The following SLC4A5 variants were observed in gnomAD, a reference collection of about 807,000 sequenced individuals.
SLC4A5 encodes solute carrier family 4 member 5.
Under a neutral mutation model 120.4 loss-of-function variants are expected in SLC4A5, and 96 were observed. That is an observed-to-expected ratio of 0.80 (90% CI 0.68 to 0.94). The LOEUF (loss-of-function observed/expected upper bound fraction) is 0.94. Ranked by LOEUF, SLC4A5 falls within the 40% of genes least tolerant of loss-of-function variation. The pLI is 0.00. For missense variants in SLC4A5, 1,259 were observed against 1,459.5 expected, an observed-to-expected ratio of 0.86 and a Z score of 2.24; for synonymous variants, 550 against 571.1, an observed-to-expected ratio of 0.96 and a Z score of 0.53.
chr2:74,319,281 T>C (rs1673038543), intron 5 of SLC4A5: 1 of 152,162 alleles, frequency 6.6e-6, no homozygotes, highest in Non-Finnish European at 1.5e-5. Context: ...ATTCGGGTGA[T>C]GAGTACACTA....
rs142845944 is a variant in SLC4A5 at position 74,334,126 on chromosome 2, C to T, written c.-169G>A. 1.5e-3 allele frequency: 225 copies of T among 152,302 alleles called. 2 individuals carry two copies. Among genetic ancestry groups the T allele is most frequent in the African/African-American group, 5.1e-3 (212 of 41,552 alleles). The allele number at this position is 152,302 out of a possible 1,614,324, so 9.4% of individuals were successfully genotyped here. ...AGATTCTTGTCTGCTTTAGCTGTTTCTGAACCATGTCCAGGGTTGAGAAGG... is the reference window on the plus strand; with the variant it reads ...AGATTCTTGTCTGCTTTAGCTGTTTTTGAACCATGTCCAGGGTTGAGAAGG... On this transcript the variant is annotated 5_prime_UTR_variant, in exon 4 of 31. Transcript: ENST00000394019.
At chr2:74,340,738 C>T (rs919174764) in intron 2 of SLC4A5, among the ~76,000 whole-genome samples, 2 of 152,172 alleles carry the variant, frequency 1.3e-5, no homozygotes, top group African/African-American at 4.8e-5. Context: ...TTCCAGGCAA[C>T]AACCCTGACG....
chr2:74,237,316 G>A (rs1670300699), intron 21 of SLC4A5, among the ~76,000 whole-genome samples: 1 of 152,138 alleles, frequency 6.6e-6, no homozygotes, highest in Non-Finnish European at 1.5e-5. Context: ...AAAAAATGTT[G>A]TTGGCACAAG....
intron 12 of SLC4A5, 71 bp from the exon 13 acceptor site, chr2:74,256,003 ACTG>A (rs1670954316): frequency 6.4e-7 from 1 of 1,562,688 alleles, no homozygotes. Context: ...TCCCCTTCAG[ACTG>A]CTTTGAGGCC....
intron 15 of SLC4A5, among the ~76,000 whole-genome samples, chr2:74,252,657 G>C (rs937915827): frequency 2.6e-5 from 4 of 152,212 alleles, no homozygotes; most frequent in Non-Finnish European, 5.9e-5. Context: ...CATGATCACA[G>C]CTCACTGCAG....
intron 6 of SLC4A5, 51 bp from the exon 7 acceptor site, chr2:74,304,731 A>G (rs1247599647): frequency 6.5e-7 from 1 of 1,537,372 alleles, no homozygotes; most frequent in East Asian, 2.3e-5. Context: ...GAAAATTGGC[A>G]TTTTTTCATA....
chr2:74,279,227 G>A (rs1573055679), intron 8 of SLC4A5, among the ~76,000 whole-genome samples: 1 of 152,290 alleles, frequency 6.6e-6, no homozygotes, highest in Non-Finnish European at 1.5e-5. Flanking sequence ...GAACTGTCAG[G>A]TGAACCCAGC....
At chr2:74,262,581 C>G (rs1324362515) in intron 10 of SLC4A5, among the ~76,000 whole-genome samples, 1 of 151,856 alleles carries the variant, frequency 6.6e-6, no homozygotes, top group Non-Finnish European at 1.5e-5. Context: ...CACCTGTAAT[C>G]CCAGCTACTT....
At chr2:74,317,064 C>G (rs1372725135) in intron 5 of SLC4A5, among the ~76,000 whole-genome samples, 1 of 152,214 alleles carries the variant, frequency 6.6e-6, no homozygotes, top group South Asian at 2.1e-4. Context: ...ATAGATCCTC[C>G]TGTAACCTAC....
intron 8 of SLC4A5, 82 bp from the exon 9 acceptor site, chr2:74,265,346 C>T: frequency 6.7e-7 from 1 of 1,495,588 alleles, no homozygotes. Context: ...AGAGGGGTGT[C>T]ATGTGGGTTC....
chr2:74,247,250 G>A, exon 19 of SLC4A5: 1 of 1,614,198 alleles, frequency 6.2e-7, no homozygotes, highest in Non-Finnish European at 8.5e-7. Flanking sequence ...TAAGGCACTG[G>A]ACAGCTGAGT....
At chr2:74,232,670 G>C (rs1444129197) in intron 23 of SLC4A5, 23 bp from the exon 24 acceptor site, 2 of 1,607,626 alleles carry the variant, frequency 1.2e-6, no homozygotes, top group South Asian at 2.2e-5. Context: ...GGTTGGGGGA[G>C]GGAGAAGTTT....
At chr2:74,231,383 TG>T in intron 24 of SLC4A5, 75 bp from the exon 25 acceptor site, 1 of 1,356,978 alleles carries the variant, frequency 7.4e-7, no homozygotes. Context: ...TGCCCCTCTG[TG>T]GGCACCTGAA....
Position 74,306,105 on chromosome 2 carries a change from T to C in SLC4A5, c.80-1425A>G, listed in dbSNP as rs78446692. ...AGTTGGAATTGACAGAGCAGGAGCA[T>C]TGCCATCTTGTTGGACAAGCACTGC... is the stretch of plus-strand genomic sequence containing the variant. On this transcript the variant is annotated intron_variant, in intron 6 of 30. Coordinates refer to ENST00000394019, the Ensembl canonical transcript of SLC4A5. 7.2e-3 allele frequency among the ~76,000 whole-genome samples: 1,104 copies of C among 152,286 alleles called. 6 individuals carry two copies. Among genetic ancestry groups the C allele is most frequent in the African/African-American group, 0.022 (907 of 41,560 alleles).
chr2:74,263,843 G>T (rs1036041293), intron 10 of SLC4A5, among the ~76,000 whole-genome samples: 1 of 152,186 alleles, frequency 6.6e-6, no homozygotes, highest in Non-Finnish European at 1.5e-5. Flanking sequence ...CAGAACAATT[G>T]ACTCCAACTC....
chr2:74,330,210 G>C (rs574915721), intron 4 of SLC4A5, among the ~76,000 whole-genome samples: 13 of 151,566 alleles, frequency 8.6e-5, no homozygotes, highest in African/African-American at 2.4e-4. Flanking sequence ...TAGGTGATGA[G>C]GTATAGGTGA....
At chr2:74,330,155 T>C (rs1339563883) in intron 4 of SLC4A5, among the ~76,000 whole-genome samples, 1 of 129,748 alleles carries the variant, frequency 7.7e-6, no homozygotes. Context: ...TGGTGATATC[T>C]AGATGGAGGT....
exon 21 of SLC4A5, chr2:74,239,504 C>A: frequency 1.9e-6 from 3 of 1,614,016 alleles, no homozygotes; most frequent in Middle Eastern, 3.3e-4. Flanking sequence ...CAGCAGGGAC[C>A]AGTCCAACGC....
At chr2:74,302,136 T>C (rs182683252) in intron 7 of SLC4A5, among the ~76,000 whole-genome samples, 103 of 152,242 alleles carry the variant, frequency 6.8e-4, no homozygotes, top group Admixed American at 6.7e-3. Context: ...AAGACTTTAT[T>C]TTCCCTTTAA....
Sources: gnomAD v4.1 joint callset for allele counts (sites outside exome capture counted in the v4.1 genomes callset) on GRCh38, gnomAD v4.1.1 for gene constraint, MANE v1.5 for transcripts, NCBI Gene and HGNC (gene_info 2026-07-23, HGNC 2026-07-21) for gene names.